The following PHKB variants were observed in gnomAD, a reference collection of about 807,000 sequenced individuals.
The protein encoded by PHKB is phosphorylase kinase regulatory subunit beta.
A neutral mutation model predicts 152.1 loss-of-function variants in PHKB; 122 were observed. The ratio of observed to expected loss-of-function variants is 0.80; its 90% confidence interval spans 0.69 to 0.93. PHKB has a LOEUF of 0.93. PHKB is among the 40% of genes least tolerant of loss of function. PHKB has a pLI of 0.00. For missense variants in PHKB, 1,304 were observed against 1,328.4 expected, an observed-to-expected ratio of 0.98 and a Z score of 0.29; for synonymous variants, 436 against 464.9, an observed-to-expected ratio of 0.94 and a Z score of 0.80.
chr16:47,494,224 G>A (rs1429356995), intron 1 of PHKB, among the ~76,000 whole-genome samples: 3 of 152,136 alleles, frequency 2.0e-5, no homozygotes, highest in African/African-American at 7.2e-5. Context: ...ACTAGATTCC[G>A]AAAATGTGAT....
At chr16:47,593,476 T>C (rs1972066163) in intron 10 of PHKB, 24 bp from the exon 11 acceptor site, 7 of 1,195,846 alleles carry the variant, frequency 5.9e-6, no homozygotes, top group Non-Finnish European at 8.7e-6. Context: ...AGTGTAAAAT[T>C]TAATGTTTTA....
In PHKB at chr16:47,503,045, A is replaced by G; in HGVS notation, c.360A>G (p.Lys120=). Reference sequence around the variant, plus strand: ...ATGAGCTGGAGCACTCAGCTATAAAATGCATGAGAGGAATTCTCTACTGCT... The same window carrying G: ...ATGAGCTGGAGCACTCAGCTATAAAGTGCATGAGAGGAATTCTCTACTGCT... ...RTHELEHSAI[K]CMRGILYCYM... The change falls in exon 4 of 31, where the codon AAA becomes AAG. Residue 120 remains lysine (K), a synonymous_variant. Coordinates refer to ENST00000323584, the MANE Select transcript of PHKB (RefSeq NM_000293.3). The G allele has an allele frequency of 1.2e-6, 2 of 1,613,806 alleles. No homozygotes were observed. The highest frequency in any genetic ancestry group is 8.5e-7 in the Non-Finnish European group (1 of 1,179,650).
At chr16:47,465,222 G>T (rs1451126669) in intron 1 of PHKB, among the ~76,000 whole-genome samples, 3 of 152,106 alleles carry the variant, frequency 2.0e-5, no homozygotes, top group Non-Finnish European at 2.9e-5. Flanking sequence ...AGAACAGGAG[G>T]ACATATATCT....
chr16:47,598,554 T>G, intron 13 of PHKB: 1 of 705,624 alleles, frequency 1.4e-6, no homozygotes, highest in Non-Finnish European at 2.4e-6. Context: ...TATATCACTT[T>G]TCTTGATTAT....
intron 18 of PHKB, 25 bp from the exon 19 acceptor site, chr16:47,650,519 C>G: frequency 7.3e-7 from 1 of 1,369,768 alleles, no homozygotes; most frequent in African/African-American, 1.4e-5. Flanking sequence ...TGTGCCATTA[C>G]ATCCTACCTC....
intron 7 of PHKB, among the ~76,000 whole-genome samples, chr16:47,569,874 C>T (rs545243786): frequency 3.8e-4 from 58 of 152,268 alleles, no homozygotes; most frequent in African/African-American, 1.2e-3. Flanking sequence ...CCACCTGCCT[C>T]GGCCTCCCAA....
chr16:47,531,732 G>C (rs1012222635), intron 6 of PHKB, among the ~76,000 whole-genome samples: 1 of 152,124 alleles, frequency 6.6e-6, no homozygotes. Flanking sequence ...CTCATGTTAC[G>C]TTTGTGAGAC....
chr16:47,489,667 T>C (rs1970112572), intron 1 of PHKB, among the ~76,000 whole-genome samples: 1 of 152,204 alleles, frequency 6.6e-6, no homozygotes, highest in Non-Finnish European at 1.5e-5. Flanking sequence ...GAAAGTGACA[T>C]TCTTTACTGA....
intron 1 of PHKB, among the ~76,000 whole-genome samples, chr16:47,468,980 C>G (rs865980290): frequency 1.3e-5 from 2 of 152,122 alleles, no homozygotes; most frequent in Non-Finnish European, 2.9e-5. Context: ...TTCTGCCCAC[C>G]CAATCTAAGT....
At chr16:47,520,689 T>C (rs994352158) in intron 6 of PHKB, among the ~76,000 whole-genome samples, 1 of 152,218 alleles carries the variant, frequency 6.6e-6, no homozygotes, top group Non-Finnish European at 1.5e-5. Flanking sequence ...TATACAACTA[T>C]CTGATAAACA....
At chr16:47,463,962 C>A in intron 1 of PHKB, 1 of 1,613,690 alleles carries the variant, frequency 6.2e-7, no homozygotes, top group Non-Finnish European at 8.5e-7. Flanking sequence ...CTGATGCAGT[C>A]GTCTCTCCGT....
At chr16:47,520,495 C>T (rs947677742) in intron 6 of PHKB, among the ~76,000 whole-genome samples, 2 of 152,174 alleles carry the variant, frequency 1.3e-5, no homozygotes, top group Admixed American at 6.5e-5. Context: ...TAGTCTGACT[C>T]AAGAGTTCAT....
intron 14 of PHKB, among the ~76,000 whole-genome samples, chr16:47,617,275 T>C (rs1398348899): frequency 6.7e-6 from 1 of 148,630 alleles, no homozygotes; most frequent in Non-Finnish European, 1.5e-5. Flanking sequence ...AATTTTTTTA[T>C]ATATTTACAT....
At chr16:47,571,082 T>G (rs988646266) in intron 7 of PHKB, among the ~76,000 whole-genome samples, 2 of 152,192 alleles carry the variant, frequency 1.3e-5, no homozygotes, top group Non-Finnish European at 2.9e-5. Context: ...AATCTGTGTG[T>G]GATGGCTTTC....
chr16:47,473,314 C>G (rs1446533313), intron 1 of PHKB, among the ~76,000 whole-genome samples: 1 of 142,970 alleles, frequency 7.0e-6, no homozygotes, highest in African/African-American at 2.6e-5. Flanking sequence ...GTCTCAAGCA[C>G]TCCTCCCAAC....
At chr16:47,627,833 G>C in intron 14 of PHKB, among the ~76,000 whole-genome samples, 1 of 152,188 alleles carries the variant, frequency 6.6e-6, no homozygotes, top group East Asian at 1.9e-4. Context: ...GTCTCAGTCA[G>C]GACATGGCTG....
At chr16:47,491,122 TC>T (rs1970143342) in intron 1 of PHKB, among the ~76,000 whole-genome samples, 1 of 152,208 alleles carries the variant, frequency 6.6e-6, no homozygotes, top group Middle Eastern at 3.2e-3. Flanking sequence ...TTAATGTAAA[TC>T]CTGGCAAGTT....
At chr16:47,591,063 T>C (rs1972021082) in intron 10 of PHKB, among the ~76,000 whole-genome samples, 1 of 152,178 alleles carries the variant, frequency 6.6e-6, no homozygotes, top group Non-Finnish European at 1.5e-5. Context: ...CTCTTTTCCT[T>C]TCTTGACACC....
At chr16:47,562,196 C>G (rs1419585351) in intron 7 of PHKB, 1 of 152,168 alleles carries the variant, frequency 6.6e-6, no homozygotes, top group African/African-American at 2.4e-5. Context: ...TGCTTGTGCC[C>G]AATGAGTGGA....
Sources: allele counts gnomAD v4.1 joint callset (sites outside exome capture counted in the v4.1 genomes callset), GRCh38; gene constraint gnomAD v4.1.1; transcripts MANE v1.5; gene names NCBI Gene and HGNC (gene_info 2026-07-23, HGNC 2026-07-21).